Variants in CACNA1I observed in about 807,000 individuals in gnomAD.
CACNA1I encodes the protein calcium voltage-gated channel subunit alpha1 I.
A neutral mutation model predicts 201.6 loss-of-function variants in CACNA1I; 74 were observed. That is an observed-to-expected ratio of 0.37 (90% confidence interval 0.30 to 0.45). CACNA1I has a LOEUF of 0.45. Ranked by LOEUF, CACNA1I falls within the 20% of genes least tolerant of loss-of-function variation. The probability of loss-of-function intolerance (pLI) is 1.00; values close to 1 mark genes in which losing one functional copy is unlikely to be tolerated. For missense variants in CACNA1I, 2,346 were observed against 3,138.1 expected (o/e 0.75, Z 6.03); for synonymous variants, 1,431 against 1,345.2 (o/e 1.06, Z -1.40).
rs1258462611 is a variant in CACNA1I at position 39,682,557 on chromosome 22, T to C, written c.5726T>C (p.Leu1909Ser). The change falls in exon 35 of 37, where the codon TTG becomes TCG. Residue 1909 changes from leucine (L) to serine (S), a missense_variant. This residue lies in a region of CACNA1I where 441 missense variants were observed against 555.6 expected (regional missense o/e 0.79). Transcript: ENST00000402142. ...VGDLGECFFP[L>S]SSTAVSPDPE... is the part of the protein sequence containing the mutation. ...GACCTGGGCGAATGCTTCTTCCCCT[T>C]GTCCTCTACGGCCGTCTCGCCGGAT... The C allele has an allele frequency of 6.2e-7, 1 of 1,613,788 alleles. No homozygotes were observed. The highest frequency in any genetic ancestry group is 8.5e-7 in the Non-Finnish European group (1 of 1,179,866).
rs778113055 is a variant in CACNA1I at position 39,662,409 on chromosome 22, G to A, written c.3346G>A (p.Gly1116Arg). Residue 1116 changes from glycine (G) to arginine (R), a missense_variant, in exon 17 of 37, where the codon GGG becomes AGG. Gly to Arg is a moderately radical substitution (Grantham distance 125). This residue lies in a region of CACNA1I where 158 missense variants were observed against 231.6 expected (regional missense o/e 0.68). Coordinates refer to ENST00000402142, the MANE Select transcript of CACNA1I (RefSeq NM_021096.4). ...CAAGATGGGCGACCGCGGGGATCGC[G>A]GGGAGGATGAGGAGGAAATCGACTA... ...FTKMGDRGDR[G>R]EDEEEIDYTL... The A allele has an allele frequency of 8.9e-6, 13 of 1,460,532 alleles. No homozygotes were observed. The South Asian group carries it at 9.8e-5, about 11-fold the overall frequency. 90.5% of individuals were successfully genotyped at this position (1,460,532 alleles called of 1,614,324 possible).
intron 1 of CACNA1I, among the ~76,000 whole-genome samples, chr22:39,577,337 A>G (rs1932391282): frequency 6.6e-6 from 1 of 152,226 alleles, no homozygotes; most frequent in Non-Finnish European, 1.5e-5. Context: ...CGTCCAGCCA[A>G]TGTCTGTGCT....
chr22:39,582,574 C>T (rs1245236884), intron 1 of CACNA1I, among the ~76,000 whole-genome samples: 8 of 151,944 alleles, frequency 5.3e-5, no homozygotes, highest in Admixed American at 2.6e-4. Context: ...AGTATGGAGT[C>T]GAGGGCCTTG....
intron 1 of CACNA1I, among the ~76,000 whole-genome samples, chr22:39,587,436 G>A (rs1158556091): frequency 6.6e-6 from 1 of 152,204 alleles, no homozygotes; most frequent in Non-Finnish European, 1.5e-5. Flanking sequence ...TTATGGAGCA[G>A]CTTTCTGTCT....
intron 32 of CACNA1I, 56 bp from the exon 33 acceptor site, chr22:39,679,666 G>A: frequency 6.7e-7 from 1 of 1,499,370 alleles, no homozygotes; most frequent in Non-Finnish European, 9.0e-7. Flanking sequence ...CCACCCCACA[G>A]CCCCGGGACC....
chr22:39,623,018 A>G (rs997043270), intron 4 of CACNA1I, among the ~76,000 whole-genome samples: 1 of 152,178 alleles, frequency 6.6e-6, no homozygotes, highest in African/African-American at 2.4e-5. Context: ...CGTGATCTTG[A>G]TCTGAACCTC....
At chr22:39,670,563 A>C (rs531738482) in intron 25 of CACNA1I, among the ~76,000 whole-genome samples, 2 of 152,174 alleles carry the variant, frequency 1.3e-5, no homozygotes, top group Non-Finnish European at 2.9e-5. Flanking sequence ...CCACAAGCTC[A>C]TTTGGGGTAG....
chr22:39,663,933 G>T, intron 19 of CACNA1I, 92 bp downstream of exon 19: 1 of 1,564,304 alleles, frequency 6.4e-7, no homozygotes, highest in Non-Finnish European at 8.7e-7. Flanking sequence ...ACCGAGGTGG[G>T]GAGGCAGGAC....
intron 1 of CACNA1I, among the ~76,000 whole-genome samples, chr22:39,581,502 G>T (rs1489243595): frequency 1.3e-5 from 2 of 152,176 alleles, no homozygotes; most frequent in East Asian, 3.9e-4. Flanking sequence ...GTTTGACAGA[G>T]AGGCGAAGTG....
At chr22:39,669,921 T>C (rs1935319158) in intron 24 of CACNA1I, 117 bp from the exon 25 acceptor site, 2 of 1,156,652 alleles carry the variant, frequency 1.7e-6, no homozygotes, top group African/African-American at 3.1e-5. Context: ...CACAGCCACC[T>C]TCCTGGAGGC....
At chr22:39,656,188 C>G (rs1311703249) in intron 10 of CACNA1I, among the ~76,000 whole-genome samples, 3 of 152,140 alleles carry the variant, frequency 2.0e-5, no homozygotes, top group Admixed American at 2.0e-4. Flanking sequence ...TATTAGCTTT[C>G]CCAGGCATCA....
intron 4 of CACNA1I, among the ~76,000 whole-genome samples, chr22:39,624,381 C>A (rs1383732267): frequency 6.6e-6 from 1 of 152,154 alleles, no homozygotes. Context: ...CCAACATCCC[C>A]CTGCGCTCCA....
chr22:39,574,775 G>A (rs1932291521), intron 1 of CACNA1I, among the ~76,000 whole-genome samples: 1 of 152,264 alleles, frequency 6.6e-6, no homozygotes, highest in Non-Finnish European at 1.5e-5. Flanking sequence ...GGTGGTGGGT[G>A]CGTAGCATCA....
At position 39,641,197 on chromosome 22, in the gene CACNA1I, GC is replaced by G. The variant is rs1373343845; in HGVS notation, c.1056+17del. On this transcript the variant is annotated intron_variant, in intron 6 of 36. Coordinates refer to ENST00000402142, the MANE Select transcript of CACNA1I (RefSeq NM_021096.4). ...TCATCTTCCAGGTGAGGCCATTCAG[GC>G]CTGGGGCCAGCCTGGTCCTAGAGTG... 1 of 1,606,520 alleles carries G rather than the reference GC, an allele frequency of 6.2e-7. No homozygotes were observed. The highest frequency in any genetic ancestry group is 8.5e-7 in the Non-Finnish European group (1 of 1,174,686).
chr22:39,684,247 G>A lies in CACNA1I; in HGVS notation c.5831-55G>A, dbSNP rs1601534009. 1 of 1,527,490 alleles carries A rather than the reference G, an allele frequency of 6.5e-7. No individual in the cohort carries two copies. The highest frequency in any genetic ancestry group is 9.0e-7 in the Non-Finnish European group (1 of 1,111,910). 94.6% of individuals were successfully genotyped at this position (1,527,490 alleles called of 1,614,324 possible). On this transcript the variant is annotated intron_variant, in intron 35 of 36. Coordinates refer to ENST00000402142, the MANE Select transcript of CACNA1I (RefSeq NM_021096.4). The surrounding 1 kb of genome is among the most constrained non-coding windows in gnomAD (Gnocchi z 4.6). ...TGGTGCTCAATGCCACCTTCCAGGG[G>A]CTGCCCCCTGGCCTGAGCGTGCTCC...
At position 39,677,101 on chromosome 22, in the gene CACNA1I, G is replaced by C; in HGVS notation, c.4855-240G>C. 6.6e-6 allele frequency among the ~76,000 whole-genome samples: 1 copy of C among 152,212 alleles called. No homozygotes were observed. The highest frequency in any genetic ancestry group is 1.5e-5 in the Non-Finnish European group (1 of 68,030). On this transcript the variant is annotated intron_variant, in intron 29 of 36. Transcript: ENST00000402142. The surrounding 1 kb of genome is among the most constrained non-coding windows in gnomAD (Gnocchi z 4.8). ...TCATGAACCTTAAGTGCTGGAAATG[G>C]GACAGCTTGTGGTAAAGGTGGCACA... is the stretch of plus-strand genomic sequence containing the variant.
In CACNA1I at chr22:39,570,844, C is replaced by T. The variant is rs1459485626; in HGVS notation, c.92C>T (p.Pro31Leu). The change falls in exon 1 of 37, where the codon CCC becomes CTC. Residue 31 changes from proline to leucine, a missense_variant. By Grantham distance (98) the Pro-to-Leu change is moderately conservative. Coordinates refer to ENST00000402142, the MANE Select transcript of CACNA1I (RefSeq NM_021096.4). Reference protein sequence around the residue: ...VTTEQPGPRSPPSSPPGLEEP... With the variant: ...VTTEQPGPRSLPSSPPGLEEP... ...ACGGAGCAGCCCGGACCCCGGAGCC[C>T]CCCATCCTCCCCGCCAGGCCTGGAG... 1.2e-6 allele frequency: 2 copies of T among 1,613,410 alleles called. No homozygotes were observed. The highest frequency in any genetic ancestry group is 2.2e-5 in the East Asian group (1 of 44,890).
At chr22:39,615,236 C>G (rs114097917) in intron 3 of CACNA1I, among the ~76,000 whole-genome samples, 2,794 of 152,234 alleles carry the variant, frequency 0.018, 96 homozygotes, top group African/African-American at 0.064. Flanking sequence ...GACATGGCAC[C>G]TAGGGTGAGC....
In CACNA1I at chr22:39,662,126, C is replaced by A. The variant is rs913511160; in HGVS notation, c.3063C>A (p.Ala1021=). Reference sequence around the variant, plus strand: ...GCGGCGCCCGGGTCTGCGAGGTTGCCGCGGACGAGGGGCCGCCGCGGGCCG... The same window carrying A: ...GCGGCGCCCGGGTCTGCGAGGTTGCAGCGGACGAGGGGCCGCCGCGGGCCG... ...RGGGARVCEV[A]ADEGPPRAAP... The change falls in exon 17 of 37, where the codon GCC becomes GCA. Residue 1021 remains alanine (A), a synonymous_variant. Transcript: ENST00000402142. 9.2e-6 allele frequency: 14 copies of A among 1,526,908 alleles called. No individual in the cohort carries two copies. Among genetic ancestry groups the A allele is most frequent in the Non-Finnish European group, 1.2e-5 (14 of 1,141,118 alleles). 94.6% of individuals were successfully genotyped at this position (1,526,908 alleles called of 1,614,324 possible).
Sources: allele counts gnomAD v4.1 joint callset (sites outside exome capture counted in the v4.1 genomes callset), GRCh38; gene constraint gnomAD v4.1.1; regional missense constraint gnomAD v4.1.1; non-coding constraint Gnocchi (gnomAD v3.1); transcripts MANE v1.5; gene names NCBI Gene and HGNC (gene_info 2026-07-23, HGNC 2026-07-21).